Variants in NCKAP5 observed in about 807,000 individuals in gnomAD.
NCKAP5 encodes NCK associated protein 5.
NCKAP5 carries 92 observed loss-of-function variants against 167.0 expected under a neutral mutation model. The ratio of observed to expected loss-of-function variants is 0.55; its 90% confidence interval spans 0.47 to 0.66. The LOEUF (loss-of-function observed/expected upper bound fraction) is 0.66, where lower values mean the gene tolerates loss of function less well. Ranked by LOEUF, NCKAP5 falls within the 30% of genes least tolerant of loss-of-function variation. The pLI is 0.00. For missense variants in NCKAP5, 2,378 were observed against 2,315.0 expected (o/e 1.03, Z -0.56); for synonymous variants, 891 against 877.4 (o/e 1.02, Z -0.27).
intron 8 of NCKAP5, among the ~76,000 whole-genome samples, chr2:132,895,217 G>C (rs950223335): frequency 1.3e-4 from 20 of 151,862 alleles, no homozygotes; most frequent in Non-Finnish European, 2.4e-4. Context: ...TGTAGTCCCA[G>C]CTACTCTGGA....
intron 5 of NCKAP5, among the ~76,000 whole-genome samples, chr2:133,169,690 G>T (rs138572470): frequency 6.6e-6 from 1 of 152,112 alleles, no homozygotes; most frequent in African/African-American, 2.4e-5. Flanking sequence ...GCCCACACCC[G>T]CACACACATG....
chr2:132,872,765 T>A (rs1252087321), intron 9 of NCKAP5, among the ~76,000 whole-genome samples: 1 of 152,176 alleles, frequency 6.6e-6, no homozygotes, highest in Non-Finnish European at 1.5e-5. Context: ...AAAATGTGCT[T>A]TGGAGAGGTG....
chr2:132,838,610 C>A (rs1025451120), intron 11 of NCKAP5, among the ~76,000 whole-genome samples: 1 of 152,070 alleles, frequency 6.6e-6, no homozygotes, highest in Non-Finnish European at 1.5e-5. Context: ...CCAGGCTGGG[C>A]GACAGAGAGA....
intron 6 of NCKAP5, among the ~76,000 whole-genome samples, chr2:133,101,598 C>T (rs7585734): frequency 0.028 from 4,270 of 151,870 alleles, 183 homozygotes; most frequent in African/African-American, 0.094. Context: ...GTTTGTAGTT[C>T]TCCTTGAAGA....
chr2:133,593,980 G>A, the NCKAP5 span, among the ~76,000 whole-genome samples: 1 of 152,200 alleles, frequency 6.6e-6, no homozygotes, highest in South Asian at 2.1e-4. Flanking sequence ...CCAGGCCCAG[G>A]TGGAGCCTCC....
Position 133,568,436 on chromosome 2 carries a change from C to G in NCKAP5, c.-350G>C, listed in dbSNP as rs908264645. On this transcript the variant is annotated 5_prime_UTR_variant, in exon 1 of 20. Transcript: ENST00000409261. ...CGGAGCAAGTTTGCGGAGACTTGCT[C>G]CCTGGGCTGCGGCTCCGTAGTTGCT... 6.6e-6 allele frequency: 1 copy of G among 152,174 alleles called. No individual in the cohort carries two copies. Among genetic ancestry groups the G allele is most frequent in the African/African-American group, 2.4e-5 (1 of 41,426 alleles). 9.4% of individuals were successfully genotyped at this position (152,174 alleles called of 1,614,324 possible).
At chr2:133,156,197 G>A (rs2083571584) in intron 5 of NCKAP5, among the ~76,000 whole-genome samples, 1 of 152,044 alleles carries the variant, frequency 6.6e-6, no homozygotes, top group African/African-American at 2.4e-5. Flanking sequence ...TAAATTAGAG[G>A]GAAAACTCAC....
chr2:133,132,480 A>AGC (rs770043797), intron 5 of NCKAP5, among the ~76,000 whole-genome samples: 5 of 94,572 alleles, frequency 5.3e-5, no homozygotes, highest in East Asian at 6.4e-4. Flanking sequence ...TGAAAAAAAA[A>AGC]GCACACACAC....
chr2:132,885,765 T>C (rs547905826), intron 8 of NCKAP5, among the ~76,000 whole-genome samples: 2 of 152,368 alleles, frequency 1.3e-5, no homozygotes, highest in South Asian at 4.1e-4. Context: ...CTAAAGCCAC[T>C]GTCCTACATT....
At chr2:132,744,616 G>A (rs1679486530) in intron 16 of NCKAP5, among the ~76,000 whole-genome samples, 1 of 146,798 alleles carries the variant, frequency 6.8e-6, no homozygotes, top group African/African-American at 2.5e-5. Context: ...ATAAAAATGA[G>A]AGCTGAAATT....
chr2:132,779,106 C>T (rs1682797127), intron 15 of NCKAP5, among the ~76,000 whole-genome samples: 1 of 152,092 alleles, frequency 6.6e-6, no homozygotes, highest in Non-Finnish European at 1.5e-5. Flanking sequence ...TATGTGGGGT[C>T]GTTAGGGAAT....
intron 8 of NCKAP5, among the ~76,000 whole-genome samples, chr2:132,923,313 G>T (rs963567942): frequency 1.3e-5 from 2 of 152,166 alleles, no homozygotes; most frequent in Admixed American, 6.5e-5. Flanking sequence ...AAAATGCAGA[G>T]AATACACAAG....
At chr2:133,602,248 G>A in the NCKAP5 span, among the ~76,000 whole-genome samples, 1 of 152,236 alleles carries the variant, frequency 6.6e-6, no homozygotes, top group Admixed American at 6.5e-5. Flanking sequence ...GACATTTGGG[G>A]ACAGCAAAGA....
At chr2:133,138,950 A>C (rs1002958471) in intron 5 of NCKAP5, among the ~76,000 whole-genome samples, 3 of 152,164 alleles carry the variant, frequency 2.0e-5, no homozygotes, top group African/African-American at 7.2e-5. Flanking sequence ...CAGTGTGGCC[A>C]CCTGGAACTC....
chr2:133,063,933 G>T (rs972818351), intron 6 of NCKAP5, among the ~76,000 whole-genome samples: 3 of 152,186 alleles, frequency 2.0e-5, no homozygotes, highest in African/African-American at 7.2e-5. Context: ...ATGGAGACTA[G>T]AAAGATCTAG....
In NCKAP5 at chr2:132,810,710, C is replaced by T. The variant is rs559673851; in HGVS notation, c.808-13981G>A. On this transcript the variant is annotated intron_variant, in intron 11 of 19. Transcript: ENST00000409261. ...TTTTGGATTTCCTTGCAGTGGACTT[C>T]GCCTTCTCTGATCCCTCCCTGATTA... Among the ~76,000 whole-genome samples the T allele has an allele frequency of 1.4e-3, 216 of 152,258 alleles. 1 individual carries two copies. Among genetic ancestry groups the T allele is most frequent in the African/African-American group, 4.9e-3 (203 of 41,562 alleles).
chr2:133,495,272 A>G (rs1215444207), intron 3 of NCKAP5, among the ~76,000 whole-genome samples: 1 of 152,130 alleles, frequency 6.6e-6, no homozygotes, highest in Non-Finnish European at 1.5e-5. Flanking sequence ...GGACTATGTC[A>G]CAGTCCATTT....
intron 4 of NCKAP5, among the ~76,000 whole-genome samples, chr2:133,250,482 G>A (rs1272290574): frequency 6.6e-6 from 1 of 152,182 alleles, no homozygotes; most frequent in Non-Finnish European, 1.5e-5. Flanking sequence ...AAGACAGCAT[G>A]CAGGTGTGGT....
chr2:132,974,046 G>C (rs1057333731), intron 7 of NCKAP5, among the ~76,000 whole-genome samples: 10 of 152,252 alleles, frequency 6.6e-5, no homozygotes, highest in African/African-American at 2.4e-4. Context: ...TATCCTGACG[G>C]TAATAACAGC....
Sources: gnomAD v4.1 joint callset for allele counts (sites outside exome capture counted in the v4.1 genomes callset) on GRCh38, gnomAD v4.1.1 for gene constraint, MANE v1.5 for transcripts, NCBI Gene and HGNC (gene_info 2026-07-23, HGNC 2026-07-21) for gene names.